Variants in ZNF746 observed in about 807,000 individuals in gnomAD.
ZNF746 encodes zinc finger protein 746.
Under a neutral mutation model 41.0 loss-of-function variants are expected in ZNF746, and 13 were observed. The observed-to-expected ratio is 0.32, with a 90% CI of 0.21 to 0.50. The LOEUF (loss-of-function observed/expected upper bound fraction) is 0.50, where lower values mean the gene tolerates loss of function less well. ZNF746 is among the 20% of genes least tolerant of loss of function. The pLI is 0.98. For synonymous variants in ZNF746, 424 were observed against 396.2 expected (o/e 1.07, Z -0.83); for missense variants, 811 against 922.9 (o/e 0.88, Z 1.57).
chr7:149,495,689 A>C (rs111899540), intron 1 of ZNF746, among the ~76,000 whole-genome samples: 1,859 of 152,342 alleles, frequency 0.012, 77 homozygotes, highest in Admixed American at 0.073. Context: ...GGATTCACTT[A>C]GAGAAAGTCA....
chr7:149,492,038 T>C, intron 4 of ZNF746: 1 of 700,312 alleles, frequency 1.4e-6, no homozygotes, highest in East Asian at 2.7e-5. Flanking sequence ...AAAGTAGCTC[T>C]ACAACTGCTA....
Position 149,474,990 on chromosome 7 carries a change from G to T in ZNF746, c.1377C>A (p.His459Gln). The T allele has an allele frequency of 6.5e-7, 1 of 1,548,932 alleles. No homozygotes were observed. Among genetic ancestry groups the T allele is most frequent in the East Asian group, 2.4e-5 (1 of 41,178 alleles). The change falls in exon 7 of 7, where the codon CAC becomes CAA. Residue 459 changes from histidine to glutamine, a missense_variant. His to Gln is a conservative substitution (Grantham distance 24). Transcript: ENST00000458143. This position sits in a 1 kb window ranked among gnomAD's most constrained non-coding sequence, Gnocchi z 6.3. ...GCCGGCCCCCGGGGGGCGCCGCGGG[G>T]TGCTTCTTCAGCCCTGGCTTGTGGC... Reference protein sequence around the residue: ...GFGHKPGLKKHPAAPPGGRPF... With the variant: ...GFGHKPGLKKQPAAPPGGRPF...
At chr7:149,475,944 C>T (rs1800286677) in intron 6 of ZNF746, among the ~76,000 whole-genome samples, 1 of 152,198 alleles carries the variant, frequency 6.6e-6, no homozygotes, top group African/African-American at 2.4e-5. Flanking sequence ...TGTCTGAAAG[C>T]ACCTTAGTGA....
intron 4 of ZNF746, chr7:149,491,533 G>T: frequency 3.4e-6 from 1 of 291,894 alleles, no homozygotes; most frequent in Non-Finnish European, 6.8e-6. Context: ...CACTGTCCTT[G>T]ACGCCTAGAA....
At chr7:149,483,929 A>G (rs906479602) in intron 4 of ZNF746, among the ~76,000 whole-genome samples, 5 of 152,208 alleles carry the variant, frequency 3.3e-5, no homozygotes, top group Admixed American at 3.3e-4. Flanking sequence ...TATAGAGGAT[A>G]TTATGAATGT....
Position 149,494,485 on chromosome 7 carries a change from C to T in ZNF746, c.43G>A (p.Ala15Thr), listed in dbSNP as rs746111709. 7.3e-5 allele frequency: 117 copies of T among 1,613,606 alleles called. No individual in the cohort carries two copies. Among genetic ancestry groups the T allele is most frequent in the Non-Finnish European group, 9.3e-6 (11 of 1,179,676 alleles). ...CTCTCCATGGCCTGAATCGTGGCTG[C>T]CATCGTCCACGGAGAAATCTTTCAG... ...VAAPISPWTM[A>T]ATIQAMERKI... is the part of the protein sequence containing the mutation. Residue 15 changes from alanine (A) to threonine (T), a missense_variant, in exon 2 of 7, where the codon GCA (alanine) becomes ACA (threonine). By Grantham distance (58) the Ala-to-Thr change is moderately conservative (BLOSUM62 0). This residue lies in a region of ZNF746 where 147 missense variants were observed against 233.4 expected (regional missense o/e 0.63). Transcript: ENST00000458143. The surrounding 1 kb of genome is among the most constrained non-coding windows in gnomAD (Gnocchi z 5.6).
At chr7:149,477,863 A>G in intron 4 of ZNF746, 108 bp from the exon 5 acceptor site, 1 of 900,160 alleles carries the variant, frequency 1.1e-6, no homozygotes. Context: ...AGGGTCCAAC[A>G]GCAAAAGAGC....
Position 149,492,899 on chromosome 7 carries a change from A to G in ZNF746, c.525T>C (p.Pro175=). The change falls in exon 4 of 7, where the codon CCT becomes CCC. Residue 175 remains proline, a synonymous_variant. Transcript: ENST00000458143. ...CAGGAACATCTGGAATCTTGGGGCC[A>G]GGGCGGCGCCAGTTGCAGGGCTCCT... ...QGKEPCNWRR[P]GPKIPDVPVD... is the part of the protein sequence containing the mutation. The G allele has an allele frequency of 6.2e-7, 1 of 1,614,106 alleles. No individual in the cohort carries two copies. The highest frequency in any genetic ancestry group is 8.5e-7 in the Non-Finnish European group (1 of 1,179,974).
chr7:149,490,647 G>T (rs4727075), intron 4 of ZNF746: 35,695 of 152,564 alleles, frequency 0.23, 4,355 homozygotes, highest in Middle Eastern at 0.34. Context: ...GGCGGCCAGG[G>T]AGTGGTGTGC....
intron 3 of ZNF746, 69 bp from the exon 4 acceptor site, chr7:149,493,041 C>T (rs941913211): frequency 4.1e-5 from 42 of 1,012,410 alleles, no homozygotes; most frequent in Non-Finnish European, 5.2e-5. Context: ...TCCCGGAAAA[C>T]CAACAATGGT....
intron 1 of ZNF746, among the ~76,000 whole-genome samples, chr7:149,496,234 T>C (rs1227140964): frequency 6.6e-6 from 1 of 152,224 alleles, no homozygotes; most frequent in African/African-American, 2.4e-5. Flanking sequence ...ACAAGGTGCA[T>C]GGTTTTCTTA....
At position 149,477,026 on chromosome 7, in the gene ZNF746, G is replaced by C. The variant is rs1182158206; in HGVS notation, c.779C>G (p.Thr260Ser). ...ATSGVHSNFS[T>S]TIPPTSWQTD... ...TTGCCAGGAGGTGGGCGGGATGGTG[G>C]TGGAAAAGTTGGAATGGACACCTGC... Residue 260 changes from threonine (T) to serine (S), a missense_variant, in exon 6 of 7, where the codon ACC (threonine) becomes AGC (serine). Transcript: ENST00000458143. The C allele has an allele frequency of 6.2e-7, 1 of 1,613,544 alleles. No individual in the cohort carries two copies. Among genetic ancestry groups the C allele is most frequent in the East Asian group, 2.2e-5 (1 of 44,862 alleles).
intron 4 of ZNF746, among the ~76,000 whole-genome samples, chr7:149,484,346 G>A (rs1585730456): frequency 6.6e-6 from 1 of 152,138 alleles, no homozygotes; most frequent in Admixed American, 6.5e-5. Context: ...ACAAAGTTAG[G>A]TTTATTCCAA....
intron 4 of ZNF746, among the ~76,000 whole-genome samples, chr7:149,485,763 G>A (rs1442467864): frequency 6.6e-6 from 1 of 152,208 alleles, no homozygotes; most frequent in African/African-American, 2.4e-5. Context: ...TAACAGGCCA[G>A]GCACAGTGGT....
At chr7:149,485,839 G>A (rs568880237) in intron 4 of ZNF746, among the ~76,000 whole-genome samples, 2 of 152,118 alleles carry the variant, frequency 1.3e-5, no homozygotes, top group African/African-American at 4.8e-5. Flanking sequence ...AGGAGTTTGA[G>A]ACCAGTCTGG....
rs1300265497 is a variant in ZNF746, at chr7:149,497,127, C to A, written c.24+386G>T. On this transcript the variant is annotated intron_variant, in intron 1 of 6. Coordinates refer to ENST00000458143, the MANE Select transcript of ZNF746 (RefSeq NM_001394198.1). This position sits in a 1 kb window ranked among gnomAD's most constrained non-coding sequence, Gnocchi z 4.2. ...GAAGCCGGACACCTCCCAGGTGCCA[C>A]CAGGCCGCTGCGGGGGAGATGGAGA... 1 of 985,202 alleles carries A rather than the reference C, an allele frequency of 1.0e-6. No individual in the cohort carries two copies. The highest frequency in any genetic ancestry group is 1.1e-4 in the East Asian group (1 of 8,780). 61.0% of individuals were successfully genotyped at this position (985,202 alleles called of 1,614,324 possible). A position where few individuals can be genotyped will look rare whatever the true frequency, so the allele number is the denominator to read the frequency against.
rs1225521836 is a variant in ZNF746, at chr7:149,474,225, T to C, written c.*159A>G. Reference sequence around the variant, plus strand: ...CTTGGTTTAGAGGTGGCAGCTGTCCTGGTGGATAGTTTCTCTTTCTCCAGT... The same window carrying C: ...CTTGGTTTAGAGGTGGCAGCTGTCCCGGTGGATAGTTTCTCTTTCTCCAGT... On this transcript the variant is annotated 3_prime_UTR_variant, in exon 7 of 7. Coordinates refer to ENST00000458143, the MANE Select transcript of ZNF746 (RefSeq NM_001394198.1). The surrounding 1 kb of genome is among the most constrained non-coding windows in gnomAD (Gnocchi z 6.3). 9 of 799,772 alleles carry C rather than the reference T, an allele frequency of 1.1e-5. No individual in the cohort carries two copies. The allele number at this position is 799,772 out of a possible 1,614,324, so 49.5% of individuals were successfully genotyped here.
chr7:149,475,509 T>C, intron 6 of ZNF746, 26 bp from the exon 7 acceptor site: 1 of 1,590,428 alleles, frequency 6.3e-7, no homozygotes, highest in Non-Finnish European at 8.6e-7. Flanking sequence ...AGACAGATAC[T>C]GACCTGTCCC....
Position 149,497,518 on chromosome 7 carries a change from C to A in ZNF746, c.19G>T (p.Ala7Ser). MAEAVA[A>S]PISPWTMAAT... Reference sequence around the variant, plus strand: ...CGCGCGCGGGTCGCCCTTACCGGAGCCGCGACCGCCTCGGCCATGGCCCTG... The same window carrying A: ...CGCGCGCGGGTCGCCCTTACCGGAGACGCGACCGCCTCGGCCATGGCCCTG... Residue 7 changes from alanine to serine, a missense_variant, in exon 1 of 7, where the codon GCT becomes TCT. This residue lies in a region of ZNF746 where 147 missense variants were observed against 233.4 expected (regional missense o/e 0.63). Coordinates refer to ENST00000458143, the MANE Select transcript of ZNF746 (RefSeq NM_001394198.1). This position sits in a 1 kb window ranked among gnomAD's most constrained non-coding sequence, Gnocchi z 4.2. 9.1e-7 allele frequency: 1 copy of A among 1,102,708 alleles called. No homozygotes were observed. Among genetic ancestry groups the A allele is most frequent in the Non-Finnish European group, 1.1e-6 (1 of 907,784 alleles). The allele number at this position is 1,102,708 out of a possible 1,614,324, so 68.3% of individuals were successfully genotyped here. A position where few individuals can be genotyped will look rare whatever the true frequency, so the allele number is the denominator to read the frequency against.
Sources: gnomAD v4.1 joint callset for allele counts (sites outside exome capture counted in the v4.1 genomes callset) on GRCh38, gnomAD v4.1.1 for gene constraint, gnomAD v4.1.1 regional missense constraint, Gnocchi (gnomAD v3.1) non-coding constraint, MANE v1.5 for transcripts, NCBI Gene and HGNC (gene_info 2026-07-23, HGNC 2026-07-21) for gene names.